Variants in RNF128 observed in about 807,000 individuals in gnomAD.
RNF128 encodes ring finger protein 128, also known as E3 ubiquitin-protein ligase RNF128.
A neutral mutation model predicts 26.2 loss-of-function variants in RNF128; 13 were observed. That is an observed-to-expected ratio of 0.50 (90% CI 0.32 to 0.79). The LOEUF is 0.79. RNF128 is among the 30% of genes least tolerant of loss of function. RNF128 has a pLI of 0.03. For synonymous variants in RNF128, 149 were observed against 142.5 expected (o/e 1.05, Z -0.32); for missense variants, 315 against 349.7 (o/e 0.90, Z 0.79).
intron 1 of RNF128, among the ~76,000 whole-genome samples, chrX:106,699,784 G>A (rs919805944): frequency 1.8e-5 from 2 of 111,138 alleles, no homozygotes; most frequent in Non-Finnish European, 3.8e-5. Flanking sequence ...CTGATCTTCG[G>A]ACATTTTCTC....
At chrX:106,719,684 T>A (rs754293867) in intron 1 of RNF128, among the ~76,000 whole-genome samples, 1 of 111,680 alleles carries the variant, frequency 9.0e-6, no homozygotes, top group Non-Finnish European at 1.9e-5. Flanking sequence ...TAGGCTTTCA[T>A]CTAATGGAAT....
At chrX:106,727,782 TAAC>T (rs1929432013) in intron 1 of RNF128, among the ~76,000 whole-genome samples, 1 of 111,415 alleles carries the variant, frequency 9.0e-6, no homozygotes, top group East Asian at 2.8e-4. Flanking sequence ...CTCTGCTTTT[TAAC>T]AACCTCAGAC....
At chrX:106,722,432 C>T (rs760059821), upstream of RNF128, among the ~76,000 whole-genome samples, 5 of 111,748 alleles carry the variant, frequency 4.5e-5, no homozygotes, top group Non-Finnish European at 9.4e-5. Flanking sequence ...TTCTAACCAG[C>T]TCCCTGATGA....
intron 2 of RNF128, among the ~76,000 whole-genome samples, chrX:106,778,396 G>A (rs1484983631): frequency 2.7e-5 from 3 of 112,235 alleles, no homozygotes; most frequent in Non-Finnish European, 5.6e-5. Flanking sequence ...TGAGGAAAAA[G>A]GTAACACAAC....
chrX:106,720,167 C>A (rs1163211990), intron 1 of RNF128, among the ~76,000 whole-genome samples: 1 of 109,503 alleles, frequency 9.1e-6, no homozygotes. Flanking sequence ...TTCCTTCCAG[C>A]ACCTCCCTTG....
intron 1 of RNF128, among the ~76,000 whole-genome samples, chrX:106,753,263 TATA>T (rs1346250737): frequency 9.0e-6 from 1 of 111,585 alleles, no homozygotes; most frequent in African/African-American, 3.3e-5. Flanking sequence ...ACATAGACAG[TATA>T]ATAAGATATG....
chrX:106,751,981 A>G (rs5962738), intron 1 of RNF128, among the ~76,000 whole-genome samples: 6,421 of 109,525 alleles, frequency 0.059, 515 homozygotes, highest in African/African-American at 0.2. Context: ...TGAGGAAAGG[A>G]GAGTGAAAAG....
At chrX:106,713,648 T>C (rs1269346097) in intron 1 of RNF128, among the ~76,000 whole-genome samples, 1 of 112,338 alleles carries the variant, frequency 8.9e-6, no homozygotes, top group Admixed American at 9.4e-5. Context: ...GCTTGAAATA[T>C]AGTTAATGCA....
intron 1 of RNF128, among the ~76,000 whole-genome samples, chrX:106,754,779 T>A (rs957680956): frequency 2.7e-5 from 3 of 110,327 alleles, no homozygotes. Context: ...CTATGAGATA[T>A]AGCAAAAACA....
intron 1 of RNF128, among the ~76,000 whole-genome samples, chrX:106,709,691 C>A (rs1929094478): frequency 9.0e-6 from 1 of 110,900 alleles, no homozygotes; most frequent in Non-Finnish European, 1.9e-5. Flanking sequence ...GGATTACAGG[C>A]AGATGCCACC....
At chrX:106,754,728 T>G (rs1484397168) in intron 1 of RNF128, among the ~76,000 whole-genome samples, 2 of 110,683 alleles carry the variant, frequency 1.8e-5, no homozygotes, top group Admixed American at 1.9e-4. Flanking sequence ...ATTTTAAAAT[T>G]TCTTGAAACA....
chrX:106,775,996 A>T (rs1272981052), intron 2 of RNF128, among the ~76,000 whole-genome samples: 1 of 112,526 alleles, frequency 8.9e-6, no homozygotes, highest in Non-Finnish European at 1.9e-5. Flanking sequence ...GTAAGAACAC[A>T]TATCATCCCT....
At chrX:106,754,136 C>T (rs764073863) in intron 1 of RNF128, among the ~76,000 whole-genome samples, 2 of 112,271 alleles carry the variant, frequency 1.8e-5, no homozygotes, top group Non-Finnish European at 3.8e-5. Flanking sequence ...CATCCAACAG[C>T]TACAGAAGAC....
chrX:106,698,421 A>T (rs925471792), intron 1 of RNF128, among the ~76,000 whole-genome samples: 1 of 111,194 alleles, frequency 9.0e-6, no homozygotes, highest in Admixed American at 9.6e-5. Context: ...GGAAGGGTTT[A>T]ATTATAGCAG....
At chrX:106,727,672 CT>C (rs1325862418) in intron 1 of RNF128, among the ~76,000 whole-genome samples, 2 of 111,236 alleles carry the variant, frequency 1.8e-5, no homozygotes, top group Non-Finnish European at 3.8e-5. Context: ...TTTGCGTTCC[CT>C]TTTCCTGGTT....
At chrX:106,765,474 G>T (rs1209326260) in intron 1 of RNF128, among the ~76,000 whole-genome samples, 1 of 111,164 alleles carries the variant, frequency 9.0e-6, no homozygotes, top group Non-Finnish European at 1.9e-5. Flanking sequence ...ATGGCTTTTA[G>T]AGAAAAGACA....
intron 1 of RNF128, among the ~76,000 whole-genome samples, chrX:106,715,036 T>A (rs1488030364): frequency 8.9e-6 from 1 of 112,042 alleles, no homozygotes; most frequent in African/African-American, 3.3e-5. Context: ...TTTCTGTGAA[T>A]GTAATTTTTC....
intron 1 of RNF128, among the ~76,000 whole-genome samples, chrX:106,758,102 A>G (rs1930057266): frequency 8.9e-6 from 1 of 112,720 alleles, no homozygotes; most frequent in South Asian, 3.6e-4. Context: ...TGCAAAATCA[A>G]CATATATAAA....
chrX:106,717,734 G>A (rs1323740616), intron 1 of RNF128, among the ~76,000 whole-genome samples: 1 of 112,061 alleles, frequency 8.9e-6, no homozygotes, highest in Non-Finnish European at 1.9e-5. Context: ...ATCCCAGAGG[G>A]TTAAGGTTGA....
Sources: allele counts gnomAD v4.1 joint callset (sites outside exome capture counted in the v4.1 genomes callset), GRCh38; gene constraint gnomAD v4.1.1; transcripts MANE v1.5; gene names NCBI Gene and HGNC (gene_info 2026-07-23, HGNC 2026-07-21).